Variants in TAFA4 observed in about 807,000 individuals in gnomAD.
TAFA4 encodes the protein TAFA chemokine like family member 4.
In TAFA4, 20 loss-of-function variants were observed where a neutral mutation model predicts 21.1. The observed-to-expected ratio is 0.95, with a 90% CI of 0.67 to 1.38. TAFA4 has a LOEUF of 1.38. Ranked by LOEUF, TAFA4 falls within the 40% of genes most tolerant of loss-of-function variation. TAFA4 has a pLI of 0.00. For missense variants in TAFA4, 211 were observed against 180.9 expected, an observed-to-expected ratio of 1.17 and a Z score of -0.95; for synonymous variants, 71 against 67.4, an observed-to-expected ratio of 1.05 and a Z score of -0.26.
At chr3:68,836,904 A>C (rs781100864) in intron 3 of TAFA4, among the ~76,000 whole-genome samples, 7 of 152,220 alleles carry the variant, frequency 4.6e-5, no homozygotes, top group Non-Finnish European at 8.8e-5. Flanking sequence ...GTACCCAGGA[A>C]ATTACCTGTC....
At chr3:68,754,167 A>G (rs995027588) in intron 3 of TAFA4, among the ~76,000 whole-genome samples, 1 of 152,234 alleles carries the variant, frequency 6.6e-6, no homozygotes, top group Non-Finnish European at 1.5e-5. Context: ...AAACAAAGAC[A>G]TAAGGTTACA....
At chr3:68,892,801 T>C (rs2089743583) in intron 1 of TAFA4, among the ~76,000 whole-genome samples, 1 of 152,190 alleles carries the variant, frequency 6.6e-6, no homozygotes, top group South Asian at 2.1e-4. Context: ...GAAGAAAAAC[T>C]CTAGCCTTCA....
intron 3 of TAFA4, among the ~76,000 whole-genome samples, chr3:68,872,473 G>C (rs2089493766): frequency 1.3e-5 from 2 of 151,796 alleles, no homozygotes; most frequent in Non-Finnish European, 2.9e-5. Flanking sequence ...AGAAATATGA[G>C]GTAGTGTTCA....
At chr3:68,836,928 T>C (rs902763388) in intron 3 of TAFA4, among the ~76,000 whole-genome samples, 3 of 152,196 alleles carry the variant, frequency 2.0e-5, no homozygotes, top group Admixed American at 6.5e-5. Flanking sequence ...TGGAAAATGA[T>C]TGATAACTCT....
chr3:68,739,402 G>T (rs1056717261), intron 4 of TAFA4, among the ~76,000 whole-genome samples: 1 of 152,164 alleles, frequency 6.6e-6, no homozygotes, highest in African/African-American at 2.4e-5. Context: ...ACAGATGTTG[G>T]TGAGAACGCA....
intron 3 of TAFA4, among the ~76,000 whole-genome samples, chr3:68,813,687 C>G (rs1377816465): frequency 6.6e-6 from 1 of 151,844 alleles, no homozygotes; most frequent in African/African-American, 2.4e-5. Context: ...GCTTACCAAC[C>G]AAAAAAAGTC....
chr3:68,917,962 G>A (rs1372978948), intron 1 of TAFA4, among the ~76,000 whole-genome samples: 3 of 152,064 alleles, frequency 2.0e-5, no homozygotes, highest in Non-Finnish European at 2.9e-5. Flanking sequence ...TATACAATGA[G>A]CTGTAGTTTT....
chr3:68,869,049 G>C (rs537551399), intron 3 of TAFA4, among the ~76,000 whole-genome samples: 1 of 151,914 alleles, frequency 6.6e-6, no homozygotes, highest in East Asian at 1.9e-4. Context: ...CATAACAACT[G>C]ATACCACAGA....
chr3:68,836,699 C>A (rs997754275), intron 3 of TAFA4, among the ~76,000 whole-genome samples: 1 of 152,014 alleles, frequency 6.6e-6, no homozygotes, highest in Non-Finnish European at 1.5e-5. Flanking sequence ...AGTCTTTCAA[C>A]AGAAAATTTA....
At chr3:68,784,334 C>T (rs186682186) in intron 3 of TAFA4, among the ~76,000 whole-genome samples, 296 of 152,200 alleles carry the variant, frequency 1.9e-3, no homozygotes, top group African/African-American at 6.6e-3. Flanking sequence ...GCTGCAGACC[C>T]TCACGGTGAG....
chr3:68,822,513 C>A (rs1188788710), intron 3 of TAFA4, among the ~76,000 whole-genome samples: 1 of 152,176 alleles, frequency 6.6e-6, no homozygotes, highest in African/African-American at 2.4e-5. Context: ...CTTTGTCACC[C>A]AGGCTAAAGT....
chr3:68,869,735 A>G (rs575748434), intron 3 of TAFA4, among the ~76,000 whole-genome samples: 17 of 152,196 alleles, frequency 1.1e-4, no homozygotes, highest in African/African-American at 3.1e-4. Context: ...GCCATACGTA[A>G]CAAACCCACA....
At chr3:68,908,842 T>G (rs562011803) in intron 1 of TAFA4, among the ~76,000 whole-genome samples, 2 of 152,304 alleles carry the variant, frequency 1.3e-5, no homozygotes, top group East Asian at 3.9e-4. Flanking sequence ...AATATCCTAT[T>G]TTTCAGTTCC....
intron 3 of TAFA4, among the ~76,000 whole-genome samples, chr3:68,797,654 G>A (rs1408468462): frequency 1.3e-5 from 2 of 149,804 alleles, no homozygotes; most frequent in Non-Finnish European, 3.0e-5. Flanking sequence ...TCTGACACAT[G>A]CTACAACATG....
intron 1 of TAFA4, among the ~76,000 whole-genome samples, chr3:68,888,417 A>G (rs931862668): frequency 2.0e-5 from 3 of 152,070 alleles, no homozygotes; most frequent in Non-Finnish European, 4.4e-5. Context: ...GCCACCCTTA[A>G]CACTCCATTC....
intron 1 of TAFA4, among the ~76,000 whole-genome samples, chr3:68,909,702 G>A (rs2089940056): frequency 6.6e-6 from 1 of 152,166 alleles, no homozygotes. Context: ...GATGGGACTG[G>A]GTTCAAATCC....
chr3:68,802,986 A>G (rs942109817), intron 3 of TAFA4, among the ~76,000 whole-genome samples: 19 of 152,334 alleles, frequency 1.2e-4, no homozygotes, highest in African/African-American at 3.4e-4. Context: ...ACAATCCAAG[A>G]GAGAACTCTC....
chr3:68,797,423 C>A (rs958251977), intron 3 of TAFA4, among the ~76,000 whole-genome samples: 2 of 152,004 alleles, frequency 1.3e-5, no homozygotes, highest in African/African-American at 4.8e-5. Context: ...ACCATCCTGG[C>A]TAACACGTTG....
intron 5 of TAFA4, 96 bp downstream of exon 5, chr3:68,738,979 C>T (rs1575589950): frequency 1.3e-6 from 2 of 1,539,080 alleles, no homozygotes; most frequent in East Asian, 2.3e-5. Context: ...TTTATTAACA[C>T]ATAATAATGT....
Sources: allele counts gnomAD v4.1 joint callset (sites outside exome capture counted in the v4.1 genomes callset), GRCh38; gene constraint gnomAD v4.1.1; transcripts MANE v1.5; gene names NCBI Gene and HGNC (gene_info 2026-07-23, HGNC 2026-07-21).